CEP120: variants seen among roughly 807,000 people sequenced by gnomAD.
CEP120 encodes the protein centrosomal protein of 120 kDa.
CEP120 carries 113 observed loss-of-function variants against 126.5 expected under a neutral mutation model. The ratio of observed to expected loss-of-function variants is 0.89; its 90% CI spans 0.77 to 1.04. The LOEUF (loss-of-function observed/expected upper bound fraction) is 1.04. Ranked by LOEUF, CEP120 falls within the 50% of genes least tolerant of loss-of-function variation. The pLI is 0.00. For missense variants in CEP120, 1,230 were observed against 1,155.7 expected, an observed-to-expected ratio of 1.06 and a Z score of -0.93; for synonymous variants, 400 against 394.3, an observed-to-expected ratio of 1.01 and a Z score of -0.17.
intron 3 of CEP120, among the ~76,000 whole-genome samples, chr5:123,415,272 G>A (rs1774317185): frequency 6.6e-6 from 1 of 152,064 alleles, no homozygotes; most frequent in Non-Finnish European, 1.5e-5. Context: ...GATCAGGAGG[G>A]AAAAAACCCA....
At chr5:123,405,130 C>T (rs930159004) in intron 4 of CEP120, among the ~76,000 whole-genome samples, 4 of 152,230 alleles carry the variant, frequency 2.6e-5, no homozygotes, top group African/African-American at 9.6e-5. Context: ...AGGAAAACTG[C>T]TGCTCCCCAA....
intron 17 of CEP120, among the ~76,000 whole-genome samples, chr5:123,372,245 G>T (rs368220667): frequency 1.1e-4 from 16 of 152,090 alleles, no homozygotes; most frequent in East Asian, 7.7e-4. Flanking sequence ...CATGACATTA[G>T]AATCAGAGGG....
intron 3 of CEP120, 127 bp downstream of exon 3, chr5:123,415,883 T>G: frequency 1.8e-6 from 1 of 552,746 alleles, no homozygotes; most frequent in African/African-American, 1.9e-5. Flanking sequence ...AAAAAAGAAC[T>G]GCCATATTGG....
At position 123,415,798 on chromosome 5, in the gene CEP120, G is replaced by C. The variant is rs530346571; in HGVS notation, c.321+212C>G. On this transcript the variant is annotated intron_variant, in intron 3 of 19. Coordinates refer to ENST00000306467, the MANE Select transcript of CEP120 (RefSeq NM_001375405.1). ...AGGCAGGGAGAATTGCTTGAACTTG[G>C]GAAGCGGAGGTTGCAGTGAGCCAAG... 3.3e-5 allele frequency among the ~76,000 whole-genome samples: 5 copies of C among 152,164 alleles called. No individual in the cohort carries two copies. The South Asian group carries it at 1.0e-3, about 32-fold the overall frequency.
In CEP120 at chr5:123,357,641, A is replaced by G. The variant is rs117148414; in HGVS notation, c.2580+6855T>C. Among the ~76,000 whole-genome samples the G allele has an allele frequency of 9.4e-4, 143 of 152,258 alleles. 3 individuals carry two copies. The East Asian group carries it at 0.026, about 27-fold the overall frequency. The stretch of plus-strand genomic sequence containing the variant: ...GCCAGGCATGGTGACGTGCACCTGT[A>G]GTCCCAGATACTTGGGAGGCTGAGG... On this transcript the variant is annotated intron_variant, in intron 18 of 19. Transcript: ENST00000306467.
At chr5:123,414,163 A>G (rs1206068797) in intron 3 of CEP120, among the ~76,000 whole-genome samples, 3 of 152,180 alleles carry the variant, frequency 2.0e-5, no homozygotes, top group Non-Finnish European at 4.4e-5. Context: ...ATACCCCCCT[A>G]AGAGGATTTA....
intron 1 of CEP120, 27 bp downstream of exon 1, chr5:123,422,923 T>G (rs746412228): frequency 5.6e-6 from 9 of 1,610,830 alleles, no homozygotes; most frequent in South Asian, 1.1e-5. Flanking sequence ...AGGCAGCAGT[T>G]GCAAAAGCAA....
chr5:123,408,053 A>C (rs1397356345), intron 4 of CEP120, among the ~76,000 whole-genome samples: 2 of 152,206 alleles, frequency 1.3e-5, no homozygotes, highest in African/African-American at 2.4e-5. Context: ...TATTTGTCTG[A>C]GAGTTTTTAT....
At position 123,383,080 on chromosome 5, in the gene CEP120, GATC is replaced by G; in HGVS notation, c.1764-1_1765del. 7.0e-7 allele frequency: 1 copy of G among 1,438,592 alleles called. No homozygotes were observed. The highest frequency in any genetic ancestry group is 9.6e-7 in the Non-Finnish European group (1 of 1,041,332). 89.1% of individuals were successfully genotyped at this position (1,438,592 alleles called of 1,614,324 possible). A position where few individuals can be genotyped will look rare whatever the true frequency, so the allele number is the denominator to read the frequency against. On this transcript the variant is annotated splice_acceptor_variant and coding_sequence_variant, in exon 12 of 20. Transcript: ENST00000306467. LOFTEE classifies it high-confidence loss of function. ...AGAAAGATCTGCTATCCTGTTATTT[GATC>G]TACAAATAAAATAAGAAATACCTTA...
rs1431173567 is a variant in CEP120, at chr5:123,382,972, T to A, written c.1860+14A>T. 2 of 1,595,048 alleles carry A rather than the reference T, an allele frequency of 1.3e-6. No individual in the cohort carries two copies. Among genetic ancestry groups the A allele is most frequent in the African/African-American group, 2.7e-5 (2 of 73,986 alleles). On this transcript the variant is annotated intron_variant, in intron 12 of 19. Coordinates refer to ENST00000306467, the MANE Select transcript of CEP120 (RefSeq NM_001375405.1). ...CCTTTTAAAAAAAATTTGATAACATTCAATTATATTTACCTGAGATGAATC... is the reference window on the plus strand; with the variant it reads ...CCTTTTAAAAAAAATTTGATAACATACAATTATATTTACCTGAGATGAATC...
At chr5:123,371,414 G>A (rs1261628405) in intron 17 of CEP120, among the ~76,000 whole-genome samples, 1 of 152,032 alleles carries the variant, frequency 6.6e-6, no homozygotes, top group Non-Finnish European at 1.5e-5. Context: ...CAGATGTTGT[G>A]AGACTTATTC....
intron 16 of CEP120, among the ~76,000 whole-genome samples, chr5:123,373,605 A>G (rs1771007156): frequency 6.6e-6 from 1 of 152,026 alleles, no homozygotes; most frequent in Non-Finnish European, 1.5e-5. Context: ...ACTTATGGAG[A>G]AGGCCTACAC....
chr5:123,381,152 T>G lies in CEP120; in HGVS notation c.2103+959A>C, dbSNP rs555608823. Among the ~76,000 whole-genome samples the G allele has an allele frequency of 2.0e-5, 3 of 152,236 alleles. No homozygotes were observed. The South Asian group carries it at 6.2e-4, about 31-fold the overall frequency. On this transcript the variant is annotated intron_variant, in intron 14 of 19. Transcript: ENST00000306467. ...TAAACAACATTTATGAAACAACTGT[T>G]TTTAGACATTGGGCAACAGGCAGCA...
chr5:123,413,918 ATT>A (rs753301475), intron 3 of CEP120, among the ~76,000 whole-genome samples: 1 of 152,068 alleles, frequency 6.6e-6, no homozygotes, highest in African/African-American at 2.4e-5. Flanking sequence ...ATAAATCTGG[ATT>A]TTTTTCTGTT....
chr5:123,413,240 C>A (rs906879646), intron 3 of CEP120, among the ~76,000 whole-genome samples: 1 of 151,438 alleles, frequency 6.6e-6, no homozygotes, highest in Non-Finnish European at 1.5e-5. Flanking sequence ...CCACTGCACT[C>A]CAGCCTGAGC....
At chr5:123,390,726 C>T (rs1188060217) in intron 7 of CEP120, among the ~76,000 whole-genome samples, 1 of 152,096 alleles carries the variant, frequency 6.6e-6, no homozygotes, top group African/African-American at 2.4e-5. Context: ...GACTACAAAG[C>T]ACTAAGGAAC....
intron 6 of CEP120, 35 bp from the exon 7 acceptor site, chr5:123,391,372 A>C (rs540592156): frequency 2.4e-5 from 35 of 1,464,864 alleles, no homozygotes; most frequent in South Asian, 8.2e-5. Flanking sequence ...ATAGGGCTTT[A>C]TACTTTCTCC....
In CEP120 at chr5:123,382,717, A is replaced by G; in HGVS notation, c.2013+20T>C. ...AGAGCAGACAAAGCAGATTTTTTAA[A>G]GTAACATTTAAAAAGTAACCTGATT... is the stretch of plus-strand genomic sequence containing the variant. On this transcript the variant is annotated intron_variant, in intron 13 of 19. Transcript: ENST00000306467. The G allele has an allele frequency of 6.2e-7, 1 of 1,601,438 alleles. No homozygotes were observed. Among genetic ancestry groups the G allele is most frequent in the South Asian group, 1.1e-5 (1 of 89,666 alleles).
chr5:123,351,342 C>G lies in CEP120; in HGVS notation c.2581-1253G>C, dbSNP rs147381539. Among the ~76,000 whole-genome samples, 730 of 152,276 alleles carry G rather than the reference C, an allele frequency of 4.8e-3. 8 individuals are homozygous for G. The highest frequency in any genetic ancestry group is 0.017 in the African/African-American group (699 of 41,554). On this transcript the variant is annotated intron_variant, in intron 18 of 19. Transcript: ENST00000306467. ...CATTGTTTTTGAGACTCATTGTTCT[C>G]TGTAGTTAATCATTTACATTATTAT...
Sources: allele counts gnomAD v4.1 joint callset (sites outside exome capture counted in the v4.1 genomes callset), GRCh38; gene constraint gnomAD v4.1.1; transcripts MANE v1.5; gene names NCBI Gene and HGNC (gene_info 2026-07-23, HGNC 2026-07-21).